Variants in MAML2 observed in about 807,000 individuals in gnomAD.
The protein encoded by MAML2 is mastermind-like protein 2.
In MAML2, 22 loss-of-function variants were observed where a neutral mutation model predicts 96.1. The observed-to-expected ratio is 0.23, with a 90% confidence interval of 0.16 to 0.33. The LOEUF is 0.33. Ranked by LOEUF, MAML2 falls within the 10% of genes least tolerant of loss-of-function variation. MAML2 has a pLI of 1.00. For missense variants in MAML2, 1,367 were observed against 1,392.4 expected, an observed-to-expected ratio of 0.98 and a Z score of 0.29; for synonymous variants, 561 against 521.3, an observed-to-expected ratio of 1.08 and a Z score of -1.04.
chr11:96,213,695 A>G (rs1862005397), intron 1 of MAML2, among the ~76,000 whole-genome samples: 1 of 152,216 alleles, frequency 6.6e-6, no homozygotes, highest in South Asian at 2.1e-4. Context: ...TCTGGACTCC[A>G]AAAGATACCA....
chr11:96,153,897 G>A (rs1316269331), intron 1 of MAML2, among the ~76,000 whole-genome samples: 1 of 150,942 alleles, frequency 6.6e-6, no homozygotes, highest in African/African-American at 2.4e-5. Context: ...GGACAACAGA[G>A]CAAGACTCCG....
intron 2 of MAML2, among the ~76,000 whole-genome samples, chr11:96,045,709 C>T (rs16922925): frequency 0.022 from 3,346 of 152,242 alleles, 138 homozygotes; most frequent in African/African-American, 0.076. Context: ...TATTTTGTCA[C>T]TCAGATAACT....
chr11:96,124,200 G>T (rs1175956796), intron 1 of MAML2, among the ~76,000 whole-genome samples: 1 of 151,736 alleles, frequency 6.6e-6, no homozygotes, highest in African/African-American at 2.4e-5. Context: ...TTTCCTCTAG[G>T]TTCTGTTTCT....
At chr11:96,071,580 A>G (rs143739048) in intron 2 of MAML2, among the ~76,000 whole-genome samples, 86 of 152,314 alleles carry the variant, frequency 5.6e-4, no homozygotes, top group African/African-American at 2.0e-3. Context: ...GTTAGGAGTA[A>G]CTTTGAACAG....
At chr11:96,216,958 G>C (rs1319682243) in intron 1 of MAML2, among the ~76,000 whole-genome samples, 9 of 152,148 alleles carry the variant, frequency 5.9e-5, no homozygotes, top group Non-Finnish European at 1.3e-4. Context: ...CAAGCAAATA[G>C]GTATGTAAGA....
chr11:96,232,379 A>G (rs1256364131), intron 1 of MAML2, among the ~76,000 whole-genome samples: 1 of 152,248 alleles, frequency 6.6e-6, no homozygotes, highest in Non-Finnish European at 1.5e-5. Flanking sequence ...GTGGTGGGCA[A>G]TTATCCAAGG....
chr11:96,016,700 T>C, intron 2 of MAML2, among the ~76,000 whole-genome samples: 1 of 152,120 alleles, frequency 6.6e-6, no homozygotes, highest in Admixed American at 6.5e-5. Flanking sequence ...AGATTGCCCT[T>C]CTCATCGTAG....
Position 96,013,219 on chromosome 11 carries a change from A to G in MAML2, c.2140-21496T>C, listed in dbSNP as rs572175535. Among the ~76,000 whole-genome samples the G allele has an allele frequency of 3.3e-5, 5 of 152,338 alleles. No homozygotes were observed. In the East Asian group the frequency reaches 9.6e-4, roughly 29 times the overall value. On this transcript the variant is annotated intron_variant, in intron 2 of 4. Transcript: ENST00000524717. ...TATCAACAAACATATTGTTTTTCCA[A>G]TAACAAATGTCACATTTAAGAACAA...
At chr11:96,324,770 A>T (rs2136013532) in intron 1 of MAML2, among the ~76,000 whole-genome samples, 1 of 152,270 alleles carries the variant, frequency 6.6e-6, no homozygotes, top group Admixed American at 6.5e-5. Context: ...CATCTAATAT[A>T]TTCATTCTGA....
intron 1 of MAML2, among the ~76,000 whole-genome samples, chr11:96,303,987 G>A (rs1038683882): frequency 6.6e-6 from 1 of 152,212 alleles, no homozygotes; most frequent in Non-Finnish European, 1.5e-5. Flanking sequence ...GAGCAAGGAA[G>A]TGGGTGCCAG....
chr11:96,189,636 T>C (rs1259267565), intron 1 of MAML2, among the ~76,000 whole-genome samples: 2 of 152,236 alleles, frequency 1.3e-5, no homozygotes, highest in East Asian at 3.8e-4. Context: ...ATTATATTCA[T>C]TCTGTGGACA....
At chr11:96,302,705 C>T (rs1043505308) in intron 1 of MAML2, among the ~76,000 whole-genome samples, 4 of 152,132 alleles carry the variant, frequency 2.6e-5, no homozygotes, top group South Asian at 2.1e-4. Context: ...TGCACAGAAA[C>T]CCCAAGTTCT....
At chr11:96,224,386 C>T (rs1862182981) in intron 1 of MAML2, among the ~76,000 whole-genome samples, 1 of 152,236 alleles carries the variant, frequency 6.6e-6, no homozygotes, top group South Asian at 2.1e-4. Context: ...CCTTAAATTC[C>T]AACAGTGCCC....
chr11:96,151,027 G>A lies in MAML2; in HGVS notation c.514-57510C>T, dbSNP rs143159593. ...CTGAATGCACATTAAAGTCTGAAAA[G>A]CATTGCTTTCAAGCATAGCTCTACT... On this transcript the variant is annotated intron_variant, in intron 1 of 4. Transcript: ENST00000524717. Among the ~76,000 whole-genome samples, 482 of 152,306 alleles carry A rather than the reference G, an allele frequency of 3.2e-3. 2 individuals are homozygous for A. The highest frequency in any genetic ancestry group is 0.01 in the Middle Eastern group (3 of 294).
At chr11:96,019,529 G>T (rs1254569922) in intron 2 of MAML2, among the ~76,000 whole-genome samples, 3 of 151,880 alleles carry the variant, frequency 2.0e-5, no homozygotes, top group African/African-American at 4.8e-5. Context: ...ATGGAAAATT[G>T]TTATGGAAAA....
chr11:96,006,843 A>T (rs1299784471), intron 2 of MAML2, among the ~76,000 whole-genome samples: 1 of 149,836 alleles, frequency 6.7e-6, no homozygotes, highest in Non-Finnish European at 1.5e-5. Context: ...TACAGGCGTG[A>T]GCCACCACGC....
intron 2 of MAML2, among the ~76,000 whole-genome samples, chr11:96,089,867 A>G (rs1859676285): frequency 1.2e-5 from 1 of 82,954 alleles, no homozygotes; most frequent in African/African-American, 4.9e-5. Context: ...TTTGGAAGAG[A>G]TGAAAATTAC....
At chr11:96,173,348 C>T (rs570036856) in intron 1 of MAML2, among the ~76,000 whole-genome samples, 17 of 152,266 alleles carry the variant, frequency 1.1e-4, no homozygotes, top group Admixed American at 1.0e-3. Flanking sequence ...GAGGGAGGAG[C>T]TGATTTTCAG....
At chr11:96,168,875 T>G (rs1453937055) in intron 1 of MAML2, among the ~76,000 whole-genome samples, 1 of 152,228 alleles carries the variant, frequency 6.6e-6, no homozygotes, top group East Asian at 1.9e-4. Context: ...GAAACGTTTC[T>G]GTGTAATCCA....
Sources: gnomAD v4.1 joint callset for allele counts (sites outside exome capture counted in the v4.1 genomes callset) on GRCh38, gnomAD v4.1.1 for gene constraint, MANE v1.5 for transcripts, NCBI Gene and HGNC (gene_info 2026-07-23, HGNC 2026-07-21) for gene names.